Variants in BAZ1A observed in about 807,000 individuals in gnomAD.
The protein encoded by BAZ1A is bromodomain adjacent to zinc finger domain protein 1A.
In BAZ1A, 50 loss-of-function variants were observed where a neutral mutation model predicts 185.2. That is an observed-to-expected ratio of 0.27 (90% CI 0.22 to 0.34). The LOEUF (loss-of-function observed/expected upper bound fraction) is 0.34. Ranked by LOEUF, BAZ1A falls within the 10% of genes least tolerant of loss-of-function variation. BAZ1A has a pLI of 1.00. For synonymous variants in BAZ1A, 571 were observed against 615.6 expected (o/e 0.93, Z 1.07); for missense variants, 1,356 against 1,839.9 (o/e 0.74, Z 4.81).
At chr14:34,799,770 C>T (rs907909258) in intron 9 of BAZ1A, among the ~76,000 whole-genome samples, 1 of 152,078 alleles carries the variant, frequency 6.6e-6, no homozygotes, top group Admixed American at 6.6e-5. Context: ...TACTACCATG[C>T]CCGGCTAAGT....
At position 34,753,072 on chromosome 14, in the gene BAZ1A, G is replaced by A. The variant is rs1307281017; in HGVS notation, c.*436C>T. 1 of 155,508 alleles carries A rather than the reference G, an allele frequency of 6.4e-6. No homozygotes were observed. The highest frequency in any genetic ancestry group is 2.4e-5 in the African/African-American group (1 of 41,378). The allele number at this position is 155,508 out of a possible 1,614,324, so 9.6% of individuals were successfully genotyped here. ...GATTCATTCATGTGTAGTGTTGAAA[G>A]AATGTACTCAAACAATTAATTAAGA... is the stretch of plus-strand genomic sequence containing the variant. On this transcript the variant is annotated 3_prime_UTR_variant, in exon 27 of 27. Coordinates refer to ENST00000360310, the MANE Select transcript of BAZ1A (RefSeq NM_013448.3).
rs115527378 is a variant in BAZ1A, at chr14:34,773,673, C to T, written c.3051G>A (p.Leu1017=). Residue 1017 remains leucine, a synonymous_variant, in exon 20 of 27, where the codon CTG becomes CTA. Coordinates refer to ENST00000360310, the MANE Select transcript of BAZ1A (RefSeq NM_013448.3). ...RSALESGRYE[L]LSEENKENGI... ...CATTTTCCTTGTTTTCCTCACTTAA[C>T]AGCTCATACCGTCCACTTTCTAATG... The T allele has an allele frequency of 1.1e-3, 1,824 of 1,613,678 alleles. 28 individuals carry two copies. In the African/African-American group the frequency reaches 0.023, roughly 20 times the overall value.
intron 3 of BAZ1A, among the ~76,000 whole-genome samples, chr14:34,850,943 A>C (rs1488050579): frequency 6.6e-6 from 1 of 152,204 alleles, no homozygotes; most frequent in African/African-American, 2.4e-5. Context: ...TTATGCAGAA[A>C]AACAGCTACC....
At chr14:34,865,897 G>C (rs2042851052) in intron 2 of BAZ1A, among the ~76,000 whole-genome samples, 2 of 152,020 alleles carry the variant, frequency 1.3e-5, no homozygotes, top group Admixed American at 1.3e-4. Flanking sequence ...ATGTTAACAG[G>C]TAGGTCTTAG....
At chr14:34,781,492 G>T (rs1880036220) in intron 16 of BAZ1A, among the ~76,000 whole-genome samples, 1 of 151,270 alleles carries the variant, frequency 6.6e-6, no homozygotes, top group African/African-American at 2.4e-5. Context: ...CATGTAAATG[G>T]AGTCATACAA....
chr14:34,826,088 T>C lies in BAZ1A; in HGVS notation c.461A>G (p.Asn154Ser). Residue 154 changes from asparagine (N) to serine (S), a missense_variant, in exon 4 of 27, where the codon AAC (asparagine) becomes AGC (serine). Asn to Ser is a conservative substitution (Grantham distance 46). Coordinates refer to ENST00000360310, the MANE Select transcript of BAZ1A (RefSeq NM_013448.3). ...GATAATAGTTTCTCCATCCACACTG[T>C]TAACATGTCCATTAGCAAAACCATT... is the stretch of plus-strand genomic sequence containing the variant. ...HQNGFANGHV[N>S]SVDGETIIIS... The C allele has an allele frequency of 6.2e-7, 1 of 1,612,550 alleles. No individual in the cohort carries two copies. Among genetic ancestry groups the C allele is most frequent in the Non-Finnish European group, 8.5e-7 (1 of 1,179,112 alleles).
intron 5 of BAZ1A, 21 bp from the exon 6 acceptor site, chr14:34,807,559 A>G (rs767858080): frequency 6.3e-7 from 1 of 1,576,568 alleles, no homozygotes; most frequent in Admixed American, 1.7e-5. Flanking sequence ...CAAGGAAGTC[A>G]AAGAGGGGTA....
At chr14:34,836,248 G>C (rs1390318444) in intron 3 of BAZ1A, among the ~76,000 whole-genome samples, 1 of 70,800 alleles carries the variant, frequency 1.4e-5, no homozygotes, top group African/African-American at 4.8e-5. Flanking sequence ...GCGTGGTAGC[G>C]GGCGCCTGTA....
intron 4 of BAZ1A, among the ~76,000 whole-genome samples, chr14:34,819,467 A>G (rs10141974): frequency 0.58 from 88,274 of 152,050 alleles, 25,847 homozygotes; most frequent in South Asian, 0.67. Flanking sequence ...TAGACTTTTC[A>G]GATTGTATAA....
At chr14:34,827,415 G>C (rs8020967) in intron 3 of BAZ1A, among the ~76,000 whole-genome samples, 3,208 of 152,242 alleles carry the variant, frequency 0.021, 129 homozygotes, top group African/African-American at 0.074. Flanking sequence ...TCTCTCAGCA[G>C]TTATATTCCT....
At chr14:34,808,621 A>G (rs2041886039) in intron 5 of BAZ1A, among the ~76,000 whole-genome samples, 1 of 152,238 alleles carries the variant, frequency 6.6e-6, no homozygotes, top group South Asian at 2.1e-4. Flanking sequence ...GCTTGTATCA[A>G]ATTTTAAAAC....
intron 5 of BAZ1A, among the ~76,000 whole-genome samples, chr14:34,808,821 G>GA (rs1161733099): frequency 3.3e-5 from 5 of 151,972 alleles, no homozygotes; most frequent in Admixed American, 2.0e-4. Context: ...GTATTTTTGG[G>GA]AAAAAGTAAA....
chr14:34,868,629 C>T (rs4981254), intron 2 of BAZ1A, among the ~76,000 whole-genome samples: 22,611 of 151,862 alleles, frequency 0.15, 1,910 homozygotes, highest in Admixed American at 0.26. Context: ...GGTGAAACTC[C>T]GTCTCTAGTA....
In BAZ1A at chr14:34,862,006, T is replaced by C. The variant is rs199801664; in HGVS notation, c.392+38A>G. 5.6e-6 allele frequency: 9 copies of C among 1,595,250 alleles called. No individual in the cohort carries two copies. In the East Asian group the frequency reaches 2.0e-4, roughly 36 times the overall value. On this transcript the variant is annotated intron_variant, in intron 3 of 26. Transcript: ENST00000360310. ...TGTTTTGGATTTTGAGCAATGTGAA[T>C]ATAAACTTACCAAGAGGAAAAATTA...
intron 5 of BAZ1A, among the ~76,000 whole-genome samples, chr14:34,810,706 T>C (rs544680963): frequency 6.6e-6 from 1 of 152,242 alleles, no homozygotes; most frequent in South Asian, 2.1e-4. Context: ...GTGATCCTCC[T>C]GGCTTGGCCT....
rs781582433 is a variant in BAZ1A at position 34,874,441 on chromosome 14, C to CG, written c.113+50dup. On this transcript the variant is annotated intron_variant, in intron 2 of 26. Coordinates refer to ENST00000360310, the MANE Select transcript of BAZ1A (RefSeq NM_013448.3). This position sits in a 1 kb window ranked among gnomAD's most constrained non-coding sequence, Gnocchi z 4.7. ...AAAGGAGAGAGACAAAAGAGCGCTG[C>CG]GGGGGGAGTCCCCACACCCCCCGCG... 5.4e-6 allele frequency: 8 copies of CG among 1,489,600 alleles called. No homozygotes were observed. In the South Asian group the frequency reaches 6.8e-5, roughly 13 times the overall value. The allele number at this position is 1,489,600 out of a possible 1,614,324, so 92.3% of individuals were successfully genotyped here.
intron 3 of BAZ1A, among the ~76,000 whole-genome samples, chr14:34,855,203 T>C (rs2042657818): frequency 6.6e-6 from 1 of 152,210 alleles, no homozygotes; most frequent in Non-Finnish European, 1.5e-5. Flanking sequence ...TAACTGGGTG[T>C]ATACACAGAC....
chr14:34,808,002 G>A (rs1357563444), intron 5 of BAZ1A, among the ~76,000 whole-genome samples: 1 of 152,034 alleles, frequency 6.6e-6, no homozygotes, highest in Non-Finnish European at 1.5e-5. Context: ...CTACTCGGGA[G>A]GCTGAGGCAG....
intron 3 of BAZ1A, among the ~76,000 whole-genome samples, chr14:34,831,828 A>T (rs1455761092): frequency 6.6e-6 from 1 of 152,214 alleles, no homozygotes; most frequent in Non-Finnish European, 1.5e-5. Context: ...TGAAGGAAAA[A>T]AAAGACTCAA....
Sources: allele counts gnomAD v4.1 joint callset (sites outside exome capture counted in the v4.1 genomes callset), GRCh38; gene constraint gnomAD v4.1.1; non-coding constraint Gnocchi (gnomAD v3.1); transcripts MANE v1.5; gene names NCBI Gene and HGNC (gene_info 2026-07-23, HGNC 2026-07-21).